The following TMEM200A variants were observed in gnomAD, a reference collection of about 807,000 sequenced individuals.
TMEM200A encodes the protein two transmembrane C.
In TMEM200A, 12 loss-of-function variants were observed where a neutral mutation model predicts 24.3. That is an observed-to-expected ratio of 0.49 (90% confidence interval 0.32 to 0.80). TMEM200A has a LOEUF of 0.80. TMEM200A is among the 30% of genes least tolerant of loss of function. TMEM200A has a pLI of 0.04. For missense variants in TMEM200A, 545 were observed against 614.4 expected (o/e 0.89, Z 1.19); for synonymous variants, 224 against 224.4 (o/e 1.00, Z 0.02).
chr6:130,367,504 T>G (rs1314518161), intron 1 of TMEM200A, among the ~76,000 whole-genome samples: 1 of 152,252 alleles, frequency 6.6e-6, no homozygotes, highest in African/African-American at 2.4e-5. Flanking sequence ...CTATTTACTT[T>G]GTCGTTTCTT....
chr6:130,401,289 C>T (rs78915070), intron 2 of TMEM200A, among the ~76,000 whole-genome samples: 2,626 of 151,918 alleles, frequency 0.017, 50 homozygotes, highest in South Asian at 0.098. Flanking sequence ...TCATAGTATT[C>T]CATTGTTCAG....
At chr6:130,428,287 T>TA (rs1279163739) in intron 2 of TMEM200A, among the ~76,000 whole-genome samples, 2 of 152,302 alleles carry the variant, frequency 1.3e-5, no homozygotes, top group East Asian at 3.9e-4. Flanking sequence ...TAAGGACATT[T>TA]AAAAAGGTAT....
intron 2 of TMEM200A, among the ~76,000 whole-genome samples, chr6:130,436,662 T>C (rs9492592): frequency 0.22 from 28,683 of 128,096 alleles, 4,886 homozygotes; most frequent in African/African-American, 0.44. Flanking sequence ...TTTTTTTTTT[T>C]CAGAGAGACA....
chr6:130,441,927 G>T lies in TMEM200A; in HGVS notation c.*29G>T, dbSNP rs1780203305. ...TAAAAGAATATATCATTTTACAAGG[G>T]TATATATTTTAAAACGATTTTCACT... On this transcript the variant is annotated 3_prime_UTR_variant, in exon 3 of 3. Coordinates refer to ENST00000296978, the MANE Select transcript of TMEM200A (RefSeq NM_001258277.2). 1.3e-6 allele frequency: 2 copies of T among 1,541,516 alleles called. No individual in the cohort carries two copies. The highest frequency in any genetic ancestry group is 1.3e-5 in the South Asian group (1 of 78,304).
chr6:130,433,249 GC>G (rs1284279241), intron 2 of TMEM200A, among the ~76,000 whole-genome samples: 19 of 150,416 alleles, frequency 1.3e-4, no homozygotes, highest in African/African-American at 4.7e-4. Context: ...CGATTCTCCT[GC>G]CTCAGCCTCC....
intron 2 of TMEM200A, among the ~76,000 whole-genome samples, chr6:130,409,247 A>G (rs1779279044): frequency 6.6e-6 from 1 of 152,198 alleles, no homozygotes; most frequent in African/African-American, 2.4e-5. Context: ...CCCATTGGAC[A>G]TGAACTGACC....
intron 2 of TMEM200A, among the ~76,000 whole-genome samples, chr6:130,411,967 C>G (rs1779340553): frequency 6.6e-6 from 1 of 151,970 alleles, no homozygotes; most frequent in Admixed American, 6.6e-5. Context: ...TTATTATGGT[C>G]TTGTAGTTTA....
rs1408022765 is a variant in TMEM200A, at chr6:130,436,662, T to TTTC, written c.-16-3745_-16-3744insTTC. On this transcript the variant is annotated intron_variant, in intron 2 of 2. Transcript: ENST00000296978. ...TTTTTTTTTTTTTTTTTTTTTTTTTTCAGAGAGACAGGTTCTTGCTCTATC... is the reference window on the plus strand; with the variant it reads ...TTTTTTTTTTTTTTTTTTTTTTTTTTTTCCAGAGAGACAGGTTCTTGCTCTATC... Among the ~76,000 whole-genome samples the TTTC allele has an allele frequency of 3.9e-5, 5 of 128,286 alleles. No individual in the cohort carries two copies. In the East Asian group the frequency reaches 6.9e-4, roughly 18 times the overall value. 84.2% of individuals were successfully genotyped at this position (128,286 alleles called of 152,430 possible).
intron 2 of TMEM200A, among the ~76,000 whole-genome samples, chr6:130,389,920 T>C (rs893535677): frequency 2.6e-5 from 4 of 152,228 alleles, no homozygotes; most frequent in Non-Finnish European, 5.9e-5. Context: ...TATTTTACTT[T>C]ATGAGAACAA....
intron 2 of TMEM200A, chr6:130,438,614 A>C (rs1297518859): frequency 6.6e-6 from 1 of 152,262 alleles, no homozygotes; most frequent in African/African-American, 2.4e-5. Flanking sequence ...TAGTACAGTA[A>C]TATGGTGGTC....
chr6:130,427,043 T>C (rs1451835647), intron 2 of TMEM200A, among the ~76,000 whole-genome samples: 1 of 152,214 alleles, frequency 6.6e-6, no homozygotes, highest in African/African-American at 2.4e-5. Flanking sequence ...GCTCCAATCC[T>C]GCATTTTTGC....
At chr6:130,414,849 A>T (rs1779412489) in intron 2 of TMEM200A, among the ~76,000 whole-genome samples, 1 of 152,186 alleles carries the variant, frequency 6.6e-6, no homozygotes, top group African/African-American at 2.4e-5. Flanking sequence ...GAGGAGACAC[A>T]TCATAAACAG....
intron 2 of TMEM200A, among the ~76,000 whole-genome samples, chr6:130,425,702 A>G (rs117609287): frequency 0.018 from 2,781 of 152,282 alleles, 23 homozygotes; most frequent in Non-Finnish European, 0.027. Context: ...TACCAATTAC[A>G]TATCCTCTTG....
Position 130,441,829 on chromosome 6 carries a change from T to C in TMEM200A, c.1407T>C (p.Asn469=), listed in dbSNP as rs1313021053. ...TTATGATTTCAAGATCTCACAATAA[T>C]TTGAGTTTTGAACATGATGAGTTTT... ...KLLMISRSHN[N]LSFEHDEFLS... Residue 469 remains asparagine (N), a synonymous_variant, in exon 3 of 3, where the codon AAT becomes AAC. Coordinates refer to ENST00000296978, the MANE Select transcript of TMEM200A (RefSeq NM_001258277.2). 1 of 1,613,630 alleles carries C rather than the reference T, an allele frequency of 6.2e-7. No homozygotes were observed. The highest frequency in any genetic ancestry group is 1.3e-5 in the African/African-American group (1 of 74,886).
In TMEM200A at chr6:130,441,898, A is replaced by G. The variant is rs745804231; in HGVS notation, c.1476A>G (p.Ter492=). Residue 492 remains the stop codon, a stop_retained_variant, in exon 3 of 3, where the codon TAA becomes TAG. Transcript: ENST00000296978. The part of the protein sequence containing the change: ...LKRGTSETRF[*] ...GGGGAACTTCTGAAACAAGGTTTTA[A>G]TGTTAAAAGAATATATCATTTTACA... 2.5e-6 allele frequency: 4 copies of G among 1,591,042 alleles called. No homozygotes were observed. Among genetic ancestry groups the G allele is most frequent in the Admixed American group, 1.8e-5 (1 of 55,028 alleles).
At chr6:130,415,602 C>T (rs759474934) in intron 2 of TMEM200A, among the ~76,000 whole-genome samples, 1 of 152,150 alleles carries the variant, frequency 6.6e-6, no homozygotes, top group East Asian at 1.9e-4. Flanking sequence ...CTACTTTCGT[C>T]GTTTACTAAA....
chr6:130,387,604 T>C (rs143303139), intron 2 of TMEM200A, among the ~76,000 whole-genome samples: 7 of 152,350 alleles, frequency 4.6e-5, no homozygotes, highest in African/African-American at 1.4e-4. Context: ...TAAACAACTC[T>C]TTTCTTTTCT....
chr6:130,436,056 G>A (rs1324074921), intron 2 of TMEM200A, among the ~76,000 whole-genome samples: 1 of 152,086 alleles, frequency 6.6e-6, no homozygotes, highest in African/African-American at 2.4e-5. Flanking sequence ...TTTTGCATTT[G>A]GTGTTATGGA....
chr6:130,380,905 T>C lies in TMEM200A; in HGVS notation c.-80-4268T>C, dbSNP rs189441228. ...GGGAGGCTGAGGCAGGAGGAATGTTTGAGCCCAGGAATTCAAGGCTGCAGA... is the reference window on the plus strand; with the variant it reads ...GGGAGGCTGAGGCAGGAGGAATGTTCGAGCCCAGGAATTCAAGGCTGCAGA... On this transcript the variant is annotated intron_variant, in intron 1 of 2. Transcript: ENST00000296978. Among the ~76,000 whole-genome samples, 52 of 152,306 alleles carry C rather than the reference T, an allele frequency of 3.4e-4. No individual in the cohort carries two copies. In the East Asian group the frequency reaches 7.9e-3, roughly 23 times the overall value.
Sources: allele counts gnomAD v4.1 joint callset (sites outside exome capture counted in the v4.1 genomes callset), GRCh38; gene constraint gnomAD v4.1.1; transcripts MANE v1.5; gene names NCBI Gene and HGNC (gene_info 2026-07-23, HGNC 2026-07-21).